Variants in PBX3 observed in about 807,000 individuals in gnomAD.
PBX3 encodes pre-B-cell leukemia transcription factor 3.
In PBX3, 14 loss-of-function variants were observed where a neutral mutation model predicts 48.5. The observed-to-expected ratio is 0.29, with a 90% CI of 0.19 to 0.45. The LOEUF (loss-of-function observed/expected upper bound fraction) is 0.45. Among genes scored for constraint, PBX3 ranks in the 20% least tolerant of loss-of-function variants. The pLI, the probability that PBX3 is intolerant of heterozygous loss-of-function variation, is 1.00. For missense variants in PBX3, 386 were observed against 546.7 expected (o/e 0.71, Z 2.93); for synonymous variants, 210 against 200.3 (o/e 1.05, Z -0.41).
At chr9:125,770,177 TGCTATAATA>T (rs1358615815) in intron 2 of PBX3, among the ~76,000 whole-genome samples, 1 of 152,168 alleles carries the variant, frequency 6.6e-6, no homozygotes, top group Non-Finnish European at 1.5e-5. Flanking sequence ...TTATAGCCTA[TGCTATAATA>T]GCAGAGAAGG....
intron 2 of PBX3, among the ~76,000 whole-genome samples, chr9:125,898,926 G>A (rs768032565): frequency 5.3e-5 from 8 of 151,078 alleles, no homozygotes; most frequent in Non-Finnish European, 1.0e-4. Flanking sequence ...GAACACACAA[G>A]TAATGAAATA....
chr9:125,898,963 G>A (rs182183463), intron 2 of PBX3, among the ~76,000 whole-genome samples: 107 of 151,010 alleles, frequency 7.1e-4, no homozygotes, highest in African/African-American at 2.5e-3. Flanking sequence ...GAACTGATGG[G>A]TATGAAAACA....
chr9:125,774,661 GTT>G (rs34704892), intron 2 of PBX3, among the ~76,000 whole-genome samples: 4 of 149,254 alleles, frequency 2.7e-5, no homozygotes, highest in South Asian at 2.1e-4. Flanking sequence ...GGGCAGTTGG[GTT>G]TTTTTTTTTA....
chr9:125,916,052 A>C (rs900440965), intron 3 of PBX3, 125 bp downstream of exon 3: 2 of 1,358,314 alleles, frequency 1.5e-6, no homozygotes, highest in Non-Finnish European at 2.0e-6. Flanking sequence ...AAATAAGGTC[A>C]GTGCAAAAAT....
At chr9:125,858,857 G>A (rs1337070641) in intron 2 of PBX3, among the ~76,000 whole-genome samples, 1 of 152,098 alleles carries the variant, frequency 6.6e-6, no homozygotes, top group African/African-American at 2.4e-5. Context: ...AACTCCGGAT[G>A]TCAGGCAATC....
At chr9:125,856,273 C>G (rs1839719281) in intron 2 of PBX3, among the ~76,000 whole-genome samples, 1 of 152,092 alleles carries the variant, frequency 6.6e-6, no homozygotes, top group Admixed American at 6.6e-5. Flanking sequence ...GTAAAATACT[C>G]TGTATAGAGC....
intron 2 of PBX3, among the ~76,000 whole-genome samples, chr9:125,839,705 T>C (rs1382807112): frequency 6.6e-6 from 1 of 152,186 alleles, no homozygotes; most frequent in African/African-American, 2.4e-5. Context: ...TTTGGATTAC[T>C]GGATCACATC....
chr9:125,748,612 A>G lies in PBX3; in HGVS notation c.263A>G (p.Lys88Arg). ...PALFSVLCEI[K>R]EKTGLSIRGA... The stretch of plus-strand genomic sequence containing the variant: ...CTCTTCAGCGTCCTGTGTGAGATCA[A>G]AGAGAAAACAGGTAAGACGCTGCGC... Residue 88 changes from lysine (K) to arginine (R), a missense_variant, in exon 2 of 9, where the codon AAA (lysine) becomes AGA (arginine). Around this residue, in one of 4 missense-constraint regions of PBX3, gnomAD observed 69 missense variants for 99.1 expected, o/e 0.70. Transcript: ENST00000373489. 6.2e-7 allele frequency: 1 copy of G among 1,613,446 alleles called. No homozygotes were observed. Among genetic ancestry groups the G allele is most frequent in the Non-Finnish European group, 8.5e-7 (1 of 1,179,784 alleles).
At chr9:125,795,377 A>G (rs1837748334) in intron 2 of PBX3, among the ~76,000 whole-genome samples, 1 of 152,212 alleles carries the variant, frequency 6.6e-6, no homozygotes, top group Non-Finnish European at 1.5e-5. Context: ...TTGGTGGCTG[A>G]GAAAACATTT....
chr9:125,929,644 TCCC>T lies in PBX3; in HGVS notation c.517-10_517-8del. ...AGTTTCCAAAGGAGTGATTTTTTTT[TCCC>T]ATTACAGGCATGTAATGAATTTACT... On this transcript the variant is annotated splice_region_variant and splice_polypyrimidine_tract_variant and intron_variant, in intron 3 of 8. Coordinates refer to ENST00000373489, the MANE Select transcript of PBX3 (RefSeq NM_006195.6). 6.3e-7 allele frequency: 1 copy of T among 1,582,668 alleles called. No homozygotes were observed. Among genetic ancestry groups the T allele is most frequent in the Admixed American group, 1.8e-5 (1 of 55,470 alleles).
chr9:125,813,627 T>C (rs531586852), intron 2 of PBX3, among the ~76,000 whole-genome samples: 1 of 152,330 alleles, frequency 6.6e-6, no homozygotes, highest in South Asian at 2.1e-4. Context: ...CTGTGTCTTT[T>C]TGACATGTCA....
chr9:125,854,058 C>T (rs10986979), intron 2 of PBX3, among the ~76,000 whole-genome samples: 3,056 of 152,182 alleles, frequency 0.02, 168 homozygotes, highest in East Asian at 0.17. Context: ...GCACTGTAAT[C>T]GGAATCTCTG....
At chr9:125,778,619 T>TTC (rs1837146889) in intron 2 of PBX3, among the ~76,000 whole-genome samples, 2 of 149,146 alleles carry the variant, frequency 1.3e-5, no homozygotes. Flanking sequence ...TTTTTTTTTT[T>TTC]CATATTTTCT....
chr9:125,946,755 G>T (rs1250432442), intron 5 of PBX3, among the ~76,000 whole-genome samples: 1 of 152,132 alleles, frequency 6.6e-6, no homozygotes, highest in South Asian at 2.1e-4. Flanking sequence ...ATATAAATGT[G>T]ATTGAGCCCC....
intron 2 of PBX3, among the ~76,000 whole-genome samples, chr9:125,899,598 T>C (rs1840893926): frequency 6.6e-6 from 1 of 150,920 alleles, no homozygotes; most frequent in African/African-American, 2.4e-5. Context: ...TACAGCATTT[T>C]GGTCAGCTGG....
intron 2 of PBX3, among the ~76,000 whole-genome samples, chr9:125,769,290 AT>A (rs1836882183): frequency 1.3e-5 from 2 of 152,210 alleles, no homozygotes; most frequent in Admixed American, 1.3e-4. Context: ...ATCAGTATAA[AT>A]GTCAACACAG....
At chr9:125,750,555 C>G (rs1836343189) in intron 2 of PBX3, among the ~76,000 whole-genome samples, 1 of 152,240 alleles carries the variant, frequency 6.6e-6, no homozygotes. Flanking sequence ...TCTGGGATTA[C>G]TGGCAGAGAG....
chr9:125,924,576 T>G (rs1841529946), intron 3 of PBX3, among the ~76,000 whole-genome samples: 1 of 152,254 alleles, frequency 6.6e-6, no homozygotes, highest in Admixed American at 6.5e-5. Flanking sequence ...TGGTTTTCAC[T>G]TTGAATGGCT....
At position 125,747,471 on chromosome 9, in the gene PBX3, G is replaced by A; in HGVS notation, c.18G>A (p.Arg6=). 1 of 1,569,184 alleles carries A rather than the reference G, an allele frequency of 6.4e-7. No individual in the cohort carries two copies. Among genetic ancestry groups the A allele is most frequent in the Non-Finnish European group, 8.6e-7 (1 of 1,159,732 alleles). Reference sequence around the variant, plus strand: ...GCGGCGGGATGGACGATCAATCCAGGATGCTGCAGACTCTGGCCGGGGTGA... The same window carrying A: ...GCGGCGGGATGGACGATCAATCCAGAATGCTGCAGACTCTGGCCGGGGTGA... The part of the protein sequence containing the change: MDDQS[R]MLQTLAGVNL... Residue 6 remains arginine (R), a synonymous_variant, in exon 1 of 9, where the codon AGG becomes AGA. Coordinates refer to ENST00000373489, the MANE Select transcript of PBX3 (RefSeq NM_006195.6).
Sources: gnomAD v4.1 joint callset for allele counts (sites outside exome capture counted in the v4.1 genomes callset) on GRCh38, gnomAD v4.1.1 for gene constraint, gnomAD v4.1.1 regional missense constraint, MANE v1.5 for transcripts, NCBI Gene and HGNC (gene_info 2026-07-23, HGNC 2026-07-21) for gene names.